ATXN1: variants seen among roughly 807,000 people sequenced by gnomAD.
ATXN1 encodes the protein ataxin 1.
A neutral mutation model predicts 56.4 loss-of-function variants in ATXN1; 8 were observed. That is an observed-to-expected ratio of 0.14 (90% CI 0.08 to 0.26). The LOEUF (loss-of-function observed/expected upper bound fraction) is 0.26, where lower values mean the gene tolerates loss of function less well. ATXN1 is among the 10% of genes least tolerant of loss of function. ATXN1 has a pLI of 1.00. For missense variants in ATXN1, 987 were observed against 1,106.5 expected (o/e 0.89, Z 1.53); for synonymous variants, 514 against 494.6 (o/e 1.04, Z -0.52).
intron 5 of ATXN1, among the ~76,000 whole-genome samples, chr6:16,488,173 C>T (rs1760588613): frequency 6.6e-6 from 1 of 152,120 alleles, no homozygotes. Flanking sequence ...CAAATAATGA[C>T]CCTGCTCTCT....
At position 16,458,827 on chromosome 6, in the gene ATXN1, C is replaced by A. The variant is rs149074349; in HGVS notation, c.-161+27145G>T. On this transcript the variant is annotated intron_variant, in intron 6 of 7. Transcript: ENST00000436367. Reference sequence around the variant, plus strand: ...GGTACTGCCCCAGAGGACAAAGGTTCTCCGGGCCAGAAGCCCCCAACCAGA... The same window carrying A: ...GGTACTGCCCCAGAGGACAAAGGTTATCCGGGCCAGAAGCCCCCAACCAGA... Among the ~76,000 whole-genome samples the A allele has an allele frequency of 4.7e-3, 723 of 152,352 alleles. 6 individuals carry two copies. The highest frequency in any genetic ancestry group is 7.5e-3 in the Non-Finnish European group (511 of 68,038).
rs775041793 is a variant in ATXN1 at position 16,422,740 on chromosome 6, T to C, written c.-161+63232A>G. Reference sequence around the variant, plus strand: ...TGCCCTTCACAACAGCCTCCTCAAGTAGGGAAAACGCTACAAAAAATGGAT... The same window carrying C: ...TGCCCTTCACAACAGCCTCCTCAAGCAGGGAAAACGCTACAAAAAATGGAT... On this transcript the variant is annotated intron_variant, in intron 6 of 7. Coordinates refer to ENST00000436367, the MANE Select transcript of ATXN1 (RefSeq NM_001128164.2). 3.3e-5 allele frequency among the ~76,000 whole-genome samples: 5 copies of C among 152,144 alleles called. No individual in the cohort carries two copies. The East Asian group carries it at 9.6e-4, about 29-fold the overall frequency.
At chr6:16,627,997 C>T (rs563425665) in intron 3 of ATXN1, among the ~76,000 whole-genome samples, 2 of 152,288 alleles carry the variant, frequency 1.3e-5, no homozygotes, top group African/African-American at 4.8e-5. Flanking sequence ...GAAATTACTA[C>T]AATAGAACAG....
intron 1 of ATXN1, among the ~76,000 whole-genome samples, chr6:16,759,072 TA>T (rs1305564398): frequency 6.6e-6 from 1 of 152,180 alleles, no homozygotes; most frequent in Admixed American, 6.5e-5. Flanking sequence ...TGCAGCCTCC[TA>T]AAAAACCCAA....
rs529323056 is a variant in ATXN1, at chr6:16,540,063, G to A, written c.-360-17375C>T. Among the ~76,000 whole-genome samples the A allele has an allele frequency of 2.6e-4, 40 of 152,298 alleles. 1 individual carries two copies. The South Asian group carries it at 6.6e-3, about 25-fold the overall frequency. On this transcript the variant is annotated intron_variant, in intron 4 of 7. Coordinates refer to ENST00000436367, the MANE Select transcript of ATXN1 (RefSeq NM_001128164.2). ...TTCCCTTGCCTTTCCGCTCGAACACGGGATGCATCTTCTGGGGAAGAGAAA... is the reference window on the plus strand; with the variant it reads ...TTCCCTTGCCTTTCCGCTCGAACACAGGATGCATCTTCTGGGGAAGAGAAA...
At chr6:16,491,295 T>TATTATTAA (rs59253371) in intron 5 of ATXN1, among the ~76,000 whole-genome samples, 1 of 128,580 alleles carries the variant, frequency 7.8e-6, no homozygotes, top group Admixed American at 8.0e-5. Context: ...TTTTTTTTTT[T>TATTATTAA]TTTTTTGATA....
At chr6:16,724,798 G>C (rs1311770799) in intron 2 of ATXN1, among the ~76,000 whole-genome samples, 1 of 152,174 alleles carries the variant, frequency 6.6e-6, no homozygotes, top group Non-Finnish European at 1.5e-5. Flanking sequence ...ATGACTCAGA[G>C]GCTTTATAAT....
chr6:16,512,471 G>C (rs1331378959), intron 5 of ATXN1, among the ~76,000 whole-genome samples: 4 of 152,140 alleles, frequency 2.6e-5, no homozygotes, highest in Non-Finnish European at 5.9e-5. Context: ...TGCACTCCCA[G>C]GACAGTGTCA....
intron 6 of ATXN1, among the ~76,000 whole-genome samples, chr6:16,474,843 C>A (rs1054509353): frequency 6.9e-6 from 1 of 145,772 alleles, no homozygotes; most frequent in Admixed American, 7.0e-5. Flanking sequence ...CATACACACA[C>A]ACACACACAC....
At chr6:16,357,326 G>A (rs1761711973) in intron 6 of ATXN1, among the ~76,000 whole-genome samples, 1 of 150,896 alleles carries the variant, frequency 6.6e-6, no homozygotes, top group Non-Finnish European at 1.5e-5. Flanking sequence ...CTGGAGTGCA[G>A]TGGCGTGACC....
intron 6 of ATXN1, among the ~76,000 whole-genome samples, chr6:16,346,444 T>C (rs539746889): frequency 1.3e-5 from 2 of 152,258 alleles, no homozygotes; most frequent in African/African-American, 4.8e-5. Context: ...GGACATGCAG[T>C]GGAAGAGAGG....
At chr6:16,440,863 T>C (rs974754410) in intron 6 of ATXN1, among the ~76,000 whole-genome samples, 2 of 152,068 alleles carry the variant, frequency 1.3e-5, no homozygotes, top group African/African-American at 2.4e-5. Flanking sequence ...TACTGTGTAG[T>C]CCATAAACCT....
intron 2 of ATXN1, among the ~76,000 whole-genome samples, chr6:16,669,352 T>A (rs561207863): frequency 7.4e-4 from 113 of 152,304 alleles, no homozygotes; most frequent in Non-Finnish European, 1.5e-3. Context: ...CACCCTGATC[T>A]TACCCTTTTT....
intron 6 of ATXN1, among the ~76,000 whole-genome samples, chr6:16,399,760 G>A (rs1758530455): frequency 6.6e-6 from 1 of 152,136 alleles, no homozygotes; most frequent in Non-Finnish European, 1.5e-5. Flanking sequence ...TTCTCCCAAT[G>A]CACGGGACAC....
intron 6 of ATXN1, among the ~76,000 whole-genome samples, chr6:16,443,844 C>T (rs527525940): frequency 2.0e-5 from 3 of 152,246 alleles, no homozygotes; most frequent in South Asian, 4.1e-4. Context: ...CGGCCAGGCA[C>T]GATGGCTCAT....
At chr6:16,554,510 G>A (rs1280943689) in intron 4 of ATXN1, among the ~76,000 whole-genome samples, 1 of 152,192 alleles carries the variant, frequency 6.6e-6, no homozygotes, top group Non-Finnish European at 1.5e-5. Context: ...GGAGTGCAAT[G>A]GTGCGGTCTT....
rs940172376 is a variant in ATXN1, at chr6:16,448,662, C to T, written c.-161+37310G>A. ...CAATAAATAAAAGTGTCTTACATTG[C>T]CCAACAAGGACACTATATACAGTTT... is the stretch of plus-strand genomic sequence containing the variant. On this transcript the variant is annotated intron_variant, in intron 6 of 7. Transcript: ENST00000436367. Among the ~76,000 whole-genome samples the T allele has an allele frequency of 2.0e-5, 3 of 152,302 alleles. No individual in the cohort carries two copies. In the South Asian group the frequency reaches 6.2e-4, roughly 32 times the overall value.
chr6:16,407,764 A>C (rs1200328462), intron 6 of ATXN1, among the ~76,000 whole-genome samples: 4 of 152,082 alleles, frequency 2.6e-5, no homozygotes, highest in African/African-American at 4.8e-5. Flanking sequence ...ACCCAGGCAA[A>C]TCAGGTCTCA....
intron 6 of ATXN1, among the ~76,000 whole-genome samples, chr6:16,375,976 A>G (rs1369263097): frequency 6.6e-6 from 1 of 152,232 alleles, no homozygotes; most frequent in African/African-American, 2.4e-5. Context: ...GGTTAATGCT[A>G]TCCACAAGCC....
Sources: allele counts gnomAD v4.1 joint callset (sites outside exome capture counted in the v4.1 genomes callset), GRCh38; gene constraint gnomAD v4.1.1; transcripts MANE v1.5; gene names NCBI Gene and HGNC (gene_info 2026-07-23, HGNC 2026-07-21).